The following PRR27 variants were observed in gnomAD, a reference collection of about 807,000 sequenced individuals.
PRR27 encodes proline-rich protein 27.
PRR27 carries 12 observed loss-of-function variants against 16.8 expected under a neutral mutation model. The ratio of observed to expected loss-of-function variants is 0.71; its 90% confidence interval spans 0.46 to 1.16. PRR27 has a LOEUF of 1.16. PRR27 is among the 50% of genes most tolerant of loss of function. The pLI is 0.00. For missense variants in PRR27, 277 were observed against 273.3 expected, an observed-to-expected ratio of 1.01 and a Z score of -0.10; for synonymous variants, 100 against 98.4, an observed-to-expected ratio of 1.02 and a Z score of -0.10.
chr4:70,161,910 G>T (rs1728657501), intron 4 of PRR27, among the ~76,000 whole-genome samples: 1 of 152,092 alleles, frequency 6.6e-6, no homozygotes, highest in Admixed American at 6.5e-5. Context: ...AGTTAATATA[G>T]GTAAAAACCT....
At position 70,165,671 on chromosome 4, in the gene PRR27, T is replaced by G. The variant is rs1156938055; in HGVS notation, c.*3010T>G. 1 of 152,150 alleles carries G rather than the reference T, an allele frequency of 6.6e-6. No individual in the cohort carries two copies. Among genetic ancestry groups the G allele is most frequent in the African/African-American group, 2.4e-5 (1 of 41,452 alleles). The allele number at this position is 152,150 out of a possible 1,614,324, so 9.4% of individuals were successfully genotyped here. On this transcript the variant is annotated 3_prime_UTR_variant, in exon 5 of 5. Coordinates refer to ENST00000344526, the MANE Select transcript of PRR27 (RefSeq NM_214711.4). ...TAAGATACATTTGCAGAGTTTTGTA[T>G]GTGTGTTTATATCCATCTTACATAA...
chr4:70,158,803 T>C lies in PRR27; in HGVS notation c.551T>C (p.Val184Ala). Residue 184 changes from valine to alanine, a missense_variant, in exon 3 of 5, where the codon GTT becomes GCT. Physicochemically the swap from Val to Ala is moderately conservative, Grantham distance 64. Coordinates refer to ENST00000344526, the MANE Select transcript of PRR27 (RefSeq NM_214711.4). ...VAAEPAAEAP[V>A]GVEPAAEEPS... ...GCTGAGCCTGCTGCAGAGGCACCTG[T>C]TGGAGTGGAGCCAGCTGCAGAGGAA... 6.2e-7 allele frequency: 1 copy of C among 1,613,266 alleles called. No homozygotes were observed.
At chr4:70,154,698 G>A (rs1728436741) in intron 1 of PRR27, 1 of 1,301,572 alleles carries the variant, frequency 7.7e-7, no homozygotes, top group Non-Finnish European at 1.0e-6. Flanking sequence ...TAGAAAAGCA[G>A]GATCCCACGT....
At chr4:70,160,443 C>CTCTCTCTCTCTCTCTGTGTGTGTG (rs1298386504) in intron 3 of PRR27, among the ~76,000 whole-genome samples, 35 of 68,698 alleles carry the variant, frequency 5.1e-4, no homozygotes, top group Non-Finnish European at 7.2e-4. Flanking sequence ...CTCTCTCTCT[C>CTCTCTCTCTCTCTCTGTGTGTGTG]TGTGTGTGTG....
chr4:70,160,810 C>T (rs933659377), intron 3 of PRR27, among the ~76,000 whole-genome samples: 40 of 151,644 alleles, frequency 2.6e-4, no homozygotes, highest in Non-Finnish European at 5.3e-4. Context: ...AGGAATTAGG[C>T]TATTTTACCA....
Position 70,155,912 on chromosome 4 carries a change from A to G in PRR27, c.52-142A>G, listed in dbSNP as rs569351717. On this transcript the variant is annotated intron_variant, in intron 1 of 4. Transcript: ENST00000344526. Reference sequence around the variant, plus strand: ...TGATAATGATGACGATGATAAAAAAAAATTCATATTAGTTACTCAAATTTC... The same window carrying G: ...TGATAATGATGACGATGATAAAAAAGAATTCATATTAGTTACTCAAATTTC... 42 of 583,828 alleles carry G rather than the reference A, an allele frequency of 7.2e-5. No individual in the cohort carries two copies. In the South Asian group the frequency reaches 7.4e-4, roughly 10 times the overall value. 36.2% of individuals were successfully genotyped at this position (583,828 alleles called of 1,614,324 possible).
intron 3 of PRR27, among the ~76,000 whole-genome samples, chr4:70,160,092 TA>T (rs1728605807): frequency 6.6e-6 from 1 of 152,148 alleles, no homozygotes; most frequent in African/African-American, 2.4e-5. Context: ...GCAGATTTGT[TA>T]CATGGGAATA....
In PRR27 at chr4:70,158,645, T is replaced by C. The variant is rs1231919390; in HGVS notation, c.393T>C (p.Ala131=). The C allele has an allele frequency of 9.9e-6, 16 of 1,613,938 alleles. No homozygotes were observed. Among genetic ancestry groups the C allele is most frequent in the Non-Finnish European group, 1.4e-5 (16 of 1,179,998 alleles). The change falls in exon 3 of 5, where the codon GCT becomes GCC. Residue 131 remains alanine, a synonymous_variant. Coordinates refer to ENST00000344526, the MANE Select transcript of PRR27 (RefSeq NM_214711.4). The part of the protein sequence containing the change: ...AAAPAAPPIA[A]EPAAAAPLTA... ...CACCCGCTGCCCCACCTATTGCAGC[T>C]GAGCCTGCTGCAGCTGCACCTCTTA...
intron 3 of PRR27, among the ~76,000 whole-genome samples, chr4:70,160,061 G>A (rs950227797): frequency 6.6e-6 from 1 of 152,048 alleles, no homozygotes; most frequent in Non-Finnish European, 1.5e-5. Context: ...TTTAGATACA[G>A]GGATTACATG....
At chr4:70,154,941 C>A in intron 1 of PRR27, 1 of 358,204 alleles carries the variant, frequency 2.8e-6, no homozygotes, top group South Asian at 2.5e-5. Flanking sequence ...AATCTGATGG[C>A]AAATTCTTAA....
chr4:70,165,462 C>T lies in PRR27; in HGVS notation c.*2801C>T, dbSNP rs1728742546. 6.6e-6 allele frequency: 1 copy of T among 152,078 alleles called. No homozygotes were observed. The highest frequency in any genetic ancestry group is 6.6e-5 in the Admixed American group (1 of 15,264). 9.4% of individuals were successfully genotyped at this position (152,078 alleles called of 1,614,324 possible). A position where few individuals can be genotyped will look rare whatever the true frequency, so the allele number is the denominator to read the frequency against. On this transcript the variant is annotated 3_prime_UTR_variant, in exon 5 of 5. Coordinates refer to ENST00000344526, the MANE Select transcript of PRR27 (RefSeq NM_214711.4). ...TAATGTCGCTTTATGAATCCACCTT[C>T]TTCCTTATCTGTAGAGTTAAAAACT...
intron 2 of PRR27, among the ~76,000 whole-genome samples, chr4:70,157,989 G>A (rs1485910841): frequency 6.6e-6 from 1 of 152,100 alleles, no homozygotes; most frequent in Non-Finnish European, 1.5e-5. Context: ...AGAGAAGAAG[G>A]CCCGGAGCTA....
rs1298587524 is a variant in PRR27 at position 70,165,608 on chromosome 4, C to T, written c.*2947C>T. Reference sequence around the variant, plus strand: ...TTGAGCTTTTTATAGAAAAATGCTACTGCGAAATTATTTTGAGTCATATCT... The same window carrying T: ...TTGAGCTTTTTATAGAAAAATGCTATTGCGAAATTATTTTGAGTCATATCT... On this transcript the variant is annotated 3_prime_UTR_variant, in exon 5 of 5. Transcript: ENST00000344526. 6.6e-6 allele frequency: 1 copy of T among 151,992 alleles called. No individual in the cohort carries two copies. Among genetic ancestry groups the T allele is most frequent in the East Asian group, 1.9e-4 (1 of 5,188 alleles). The allele number at this position is 151,992 out of a possible 1,614,324, so 9.4% of individuals were successfully genotyped here. A position where few individuals can be genotyped will look rare whatever the true frequency, so the allele number is the denominator to read the frequency against.
Position 70,154,757 on chromosome 4 carries a change from G to T in PRR27, c.51+331G>T, listed in dbSNP as rs1267950728. ...TCTTCAAATTATAGAATGCTGGATT[G>T]GGCTTCCTATGGCTGTGAAGTGCCA... On this transcript the variant is annotated intron_variant, in intron 1 of 4. Coordinates refer to ENST00000344526, the MANE Select transcript of PRR27 (RefSeq NM_214711.4). 8.3e-6 allele frequency: 11 copies of T among 1,328,376 alleles called. No homozygotes were observed. In the East Asian group the frequency reaches 4.7e-4, roughly 56 times the overall value. The allele number at this position is 1,328,376 out of a possible 1,614,324, so 82.3% of individuals were successfully genotyped here.
intron 4 of PRR27, among the ~76,000 whole-genome samples, chr4:70,162,138 T>A (rs1371022989): frequency 6.6e-6 from 1 of 152,202 alleles, no homozygotes; most frequent in Non-Finnish European, 1.5e-5. Context: ...TGTGTCTTAG[T>A]CATCTGATCA....
At chr4:70,161,179 T>TATATATATATATATATATACAC (rs527588905) in intron 3 of PRR27, among the ~76,000 whole-genome samples, 1 of 107,702 alleles carries the variant, frequency 9.3e-6, no homozygotes, top group African/African-American at 3.5e-5. Context: ...TATATATATA[T>TATATATATATATATATATACAC]ACACACATAC....
chr4:70,154,414 T>A lies in PRR27; in HGVS notation c.39T>A (p.Ala13=). The stretch of plus-strand genomic sequence containing the variant: ...TTTGGGCCTGCATTGTATGTGTTGC[T>A]TTTGCAAGGAAGGTAAGTAAATGGA... The part of the protein sequence containing the change: ...LLLWACIVCV[A]FARKRRFPFI... Residue 13 remains alanine, a synonymous_variant, in exon 1 of 5, where the codon GCT becomes GCA. Transcript: ENST00000344526. The A allele has an allele frequency of 6.2e-7, 1 of 1,612,984 alleles. No individual in the cohort carries two copies. The highest frequency in any genetic ancestry group is 8.5e-7 in the Non-Finnish European group (1 of 1,179,092).
In PRR27 at chr4:70,163,998, C is replaced by A. The variant is rs1410488448; in HGVS notation, c.*1337C>A. ...TACTTCGGGGGTCTCATATAGAAAT[C>A]CTGCTTCAGAATACTCTTCCCTGAG... On this transcript the variant is annotated 3_prime_UTR_variant, in exon 5 of 5. Coordinates refer to ENST00000344526, the MANE Select transcript of PRR27 (RefSeq NM_214711.4). 6.6e-6 allele frequency: 1 copy of A among 151,898 alleles called. No individual in the cohort carries two copies. The highest frequency in any genetic ancestry group is 1.5e-5 in the Non-Finnish European group (1 of 68,002). 9.4% of individuals were successfully genotyped at this position (151,898 alleles called of 1,614,324 possible).
In PRR27 at chr4:70,164,994, G is replaced by A. The variant is rs1217217789; in HGVS notation, c.*2333G>A. On this transcript the variant is annotated 3_prime_UTR_variant, in exon 5 of 5. Coordinates refer to ENST00000344526, the MANE Select transcript of PRR27 (RefSeq NM_214711.4). Reference sequence around the variant, plus strand: ...TACTGTGAAATGTTCTGCTCTGTCAGTTGTGAAAGTATGAAATTTAAGTCT... The same window carrying A: ...TACTGTGAAATGTTCTGCTCTGTCAATTGTGAAAGTATGAAATTTAAGTCT... 1 of 152,080 alleles carries A rather than the reference G, an allele frequency of 6.6e-6. No individual in the cohort carries two copies. Among genetic ancestry groups the A allele is most frequent in the Non-Finnish European group, 1.5e-5 (1 of 67,962 alleles). 9.4% of individuals were successfully genotyped at this position (152,080 alleles called of 1,614,324 possible). A position where few individuals can be genotyped will look rare whatever the true frequency, so the allele number is the denominator to read the frequency against.
Sources: allele counts gnomAD v4.1 joint callset (sites outside exome capture counted in the v4.1 genomes callset), GRCh38; gene constraint gnomAD v4.1.1; transcripts MANE v1.5; gene names NCBI Gene and HGNC (gene_info 2026-07-23, HGNC 2026-07-21).